TCF25: variants seen among roughly 807,000 people sequenced by gnomAD.
The protein encoded by TCF25 is TCF25 ribosome quality control complex subunit.
TCF25 carries 41 observed loss-of-function variants against 83.1 expected under a neutral mutation model. The observed-to-expected ratio is 0.49, with a 90% CI of 0.38 to 0.64. The LOEUF (loss-of-function observed/expected upper bound fraction) is 0.64, where lower values mean the gene tolerates loss of function less well. Ranked by LOEUF, TCF25 falls within the 30% of genes least tolerant of loss-of-function variation. The pLI is 0.00. For synonymous variants in TCF25, 458 were observed against 365.0 expected (o/e 1.25, Z -2.90); for missense variants, 979 against 914.5 (o/e 1.07, Z -0.91).
intron 7 of TCF25, among the ~76,000 whole-genome samples, chr16:89,894,732 C>A (rs35518096): frequency 0.12 from 18,573 of 152,182 alleles, 1,368 homozygotes; most frequent in East Asian, 0.26. Context: ...GGCGCAGTCT[C>A]GGCCCGGGTT....
intron 4 of TCF25, among the ~76,000 whole-genome samples, chr16:89,886,654 CA>C (rs1045174958): frequency 2.6e-5 from 4 of 151,838 alleles, no homozygotes; most frequent in Admixed American, 2.6e-4. Flanking sequence ...CCCAGCTACT[CA>C]GGGGGCTGAG....
At chr16:89,903,547 T>G (rs1372096621) in intron 12 of TCF25, among the ~76,000 whole-genome samples, 1 of 152,142 alleles carries the variant, frequency 6.6e-6, no homozygotes, top group Non-Finnish European at 1.5e-5. Context: ...GGCGGACGCC[T>G]GTAATCCCAG....
chr16:89,890,957 A>T (rs960999998), intron 5 of TCF25, among the ~76,000 whole-genome samples: 1 of 152,136 alleles, frequency 6.6e-6, no homozygotes, highest in African/African-American at 2.4e-5. Flanking sequence ...CTCCTCCAAG[A>T]CAAAGACCTG....
intron 1 of TCF25, among the ~76,000 whole-genome samples, chr16:89,881,508 T>A (rs1185885188): frequency 6.8e-6 from 1 of 146,686 alleles, no homozygotes; most frequent in East Asian, 2.1e-4. Context: ...TGCCGTTGTG[T>A]GATCATGGCT....
intron 6 of TCF25, among the ~76,000 whole-genome samples, chr16:89,892,761 G>C (rs547962406): frequency 9.8e-4 from 150 of 152,352 alleles, no homozygotes; most frequent in Non-Finnish European, 1.8e-3. Flanking sequence ...TGGTTGTGTG[G>C]TGTGGGGAAG....
At chr16:89,896,985 C>A (rs1447721272) in intron 9 of TCF25, among the ~76,000 whole-genome samples, 1 of 151,640 alleles carries the variant, frequency 6.6e-6, no homozygotes, top group Admixed American at 6.6e-5. Flanking sequence ...TGAGATGGTA[C>A]CAGTGCACTC....
At chr16:89,905,327 G>T (rs2044686851) in intron 14 of TCF25, among the ~76,000 whole-genome samples, 1 of 152,192 alleles carries the variant, frequency 6.6e-6, no homozygotes, top group Non-Finnish European at 1.5e-5. Flanking sequence ...CTGTTCCCGG[G>T]TGCCTCGGGC....
chr16:89,895,865 A>G (rs543784686), intron 8 of TCF25, 125 bp from the exon 9 acceptor site: 3 of 764,516 alleles, frequency 3.9e-6, no homozygotes, highest in East Asian at 2.9e-5. Flanking sequence ...CTGCCCTCTC[A>G]GTGTCCAGGA....
intron 1 of TCF25, among the ~76,000 whole-genome samples, chr16:89,880,034 G>C (rs1034527263): frequency 6.6e-6 from 1 of 151,628 alleles, no homozygotes; most frequent in African/African-American, 2.4e-5. Flanking sequence ...CATCACACGT[G>C]CTGTCCGTGT....
In TCF25 at chr16:89,898,762, G is replaced by T; in HGVS notation, c.1116-5G>T. 4 of 1,613,740 alleles carry T rather than the reference G, an allele frequency of 2.5e-6. No individual in the cohort carries two copies. Among genetic ancestry groups the T allele is most frequent in the Non-Finnish European group, 3.4e-6 (4 of 1,180,042 alleles). ...TTGCTCTGCTCTCTGTGCTGCCTCC[G>T]GAAGTCTCGAGCCGGATGAGGACCC... On this transcript the variant is annotated splice_polypyrimidine_tract_variant and splice_region_variant and intron_variant, in intron 10 of 17. Transcript: ENST00000263346.
intron 13 of TCF25, chr16:89,904,631 G>T (rs1403048878): frequency 1.9e-6 from 1 of 527,226 alleles, no homozygotes; most frequent in East Asian, 3.5e-5. Flanking sequence ...GCACGCCTTG[G>T]GGTCATCCCC....
chr16:89,901,613 C>T (rs2044341890), intron 12 of TCF25, among the ~76,000 whole-genome samples: 2 of 100,942 alleles, frequency 2.0e-5, no homozygotes, highest in Admixed American at 1.0e-4. Context: ...GGCGTGTTGG[C>T]GGGCACCTGT....
At chr16:89,907,375 G>GTCC (rs2044906862) in intron 16 of TCF25, 53 bp downstream of exon 16, 2 of 45,478 alleles carry the variant, frequency 4.4e-5, no homozygotes, top group African/African-American at 8.1e-4. Flanking sequence ...CCTCCTCCCA[G>GTCC]TTCCCAGCTC....
chr16:89,878,881 T>C (rs1203342755), intron 1 of TCF25, among the ~76,000 whole-genome samples: 1 of 152,228 alleles, frequency 6.6e-6, no homozygotes, highest in Non-Finnish European at 1.5e-5. Context: ...GACCTCGCCA[T>C]CTGCCCACCT....
intron 7 of TCF25, among the ~76,000 whole-genome samples, chr16:89,894,354 T>C (rs925976697): frequency 1.9e-4 from 25 of 133,394 alleles, no homozygotes; most frequent in African/African-American, 8.5e-4. Context: ...CAGCTCCCCT[T>C]GCAGCCCCGG....
Position 89,905,115 on chromosome 16 carries a change from C to A in TCF25, c.1628+19C>A, listed in dbSNP as rs559272622. Reference sequence around the variant, plus strand: ...AGAACCGGTGAGCTAGGGGTTGACACAAGCCCTGCCACGCCCCCTCCTCAG... The same window carrying A: ...AGAACCGGTGAGCTAGGGGTTGACAAAAGCCCTGCCACGCCCCCTCCTCAG... On this transcript the variant is annotated intron_variant, in intron 14 of 17. Transcript: ENST00000263346. 5.8e-6 allele frequency: 9 copies of A among 1,558,352 alleles called. No homozygotes were observed. The South Asian group carries it at 8.5e-5, about 15-fold the overall frequency.
chr16:89,905,349 C>T (rs1417986114), intron 14 of TCF25, among the ~76,000 whole-genome samples: 10 of 152,194 alleles, frequency 6.6e-5, no homozygotes, highest in Non-Finnish European at 1.3e-4. Context: ...GGAGTGGTGC[C>T]TTCGGGTCTT....
At chr16:89,898,933 C>G (rs2044104272) in intron 11 of TCF25, 61 bp downstream of exon 11, 1 of 1,537,342 alleles carries the variant, frequency 6.5e-7, no homozygotes, top group Non-Finnish European at 9.0e-7. Flanking sequence ...CTTCTGTTTT[C>G]TTGGTTCAGT....
At chr16:89,882,884 C>T (rs541118542) in intron 1 of TCF25, among the ~76,000 whole-genome samples, 5 of 152,306 alleles carry the variant, frequency 3.3e-5, no homozygotes, top group East Asian at 3.9e-4. Flanking sequence ...CCTCGCCTGG[C>T]CTATCATTTT....
Sources: gnomAD v4.1 joint callset for allele counts (sites outside exome capture counted in the v4.1 genomes callset) on GRCh38, gnomAD v4.1.1 for gene constraint, MANE v1.5 for transcripts, NCBI Gene and HGNC (gene_info 2026-07-23, HGNC 2026-07-21) for gene names.